The following CLK2 variants were observed in gnomAD, a reference collection of about 807,000 sequenced individuals.
The protein encoded by CLK2 is dual specificity protein kinase CLK2.
A neutral mutation model predicts 73.5 loss-of-function variants in CLK2; 12 were observed. That is an observed-to-expected ratio of 0.16 (90% CI 0.10 to 0.26). The LOEUF (loss-of-function observed/expected upper bound fraction) is 0.26. Ranked by LOEUF, CLK2 falls within the 10% of genes least tolerant of loss-of-function variation. The pLI is 1.00. For synonymous variants in CLK2, 232 were observed against 237.9 expected (o/e 0.98, Z 0.23); for missense variants, 509 against 688.4 (o/e 0.74, Z 2.92).
At chr1:155,271,530 A>G (rs1673506867) in intron 1 of CLK2, among the ~76,000 whole-genome samples, 1 of 152,102 alleles carries the variant, frequency 6.6e-6, no homozygotes, top group Non-Finnish European at 1.5e-5. Context: ...AGCCAGTTCA[A>G]GTGTTCTATC....
intron 6 of CLK2, among the ~76,000 whole-genome samples, chr1:155,267,188 G>A (rs940085581): frequency 5.3e-5 from 8 of 152,136 alleles, no homozygotes; most frequent in Non-Finnish European, 7.4e-5. Context: ...TCTGCCTCCT[G>A]TTCAAGCGAT....
chr1:155,267,901 T>C (rs1673309107), intron 6 of CLK2, 109 bp downstream of exon 6: 1 of 740,288 alleles, frequency 1.4e-6, no homozygotes, highest in Non-Finnish European at 2.4e-6. Flanking sequence ...AAAAGATGAA[T>C]GGATGAGAAG....
chr1:155,263,855 C>T (rs1273824609), intron 12 of CLK2, 95 bp downstream of exon 12: 2 of 1,401,158 alleles, frequency 1.4e-6, no homozygotes, highest in East Asian at 2.3e-5. Context: ...CCTTTCCTAA[C>T]CCTCTGCTTG....
Position 155,264,251 on chromosome 1 carries a change from G to A in CLK2, c.1196C>T (p.Pro399Leu). ...HLAMMERILGPIPSRMIRKTR... is the reference protein window; with the variant it reads ...HLAMMERILGLIPSRMIRKTR... ...CTTTCGGATCATCCGGGAAGGGATAGGACCCAAGATCCTTTCCATCATGGC... is the reference window on the plus strand; with the variant it reads ...CTTTCGGATCATCCGGGAAGGGATAAGACCCAAGATCCTTTCCATCATGGC... The change falls in exon 11 of 13, where the codon CCT becomes CTT. Residue 399 changes from proline (P) to leucine (L), a missense_variant. Transcript: ENST00000368361. 2 of 1,614,192 alleles carry A rather than the reference G, an allele frequency of 1.2e-6. No individual in the cohort carries two copies. Among genetic ancestry groups the A allele is most frequent in the Non-Finnish European group, 1.7e-6 (2 of 1,180,034 alleles).
rs780531186 is a variant in CLK2 at position 155,266,712 on chromosome 1, C to A, written c.838+17G>T. The A allele has an allele frequency of 3.1e-6, 5 of 1,606,446 alleles. No homozygotes were observed. The highest frequency in any genetic ancestry group is 2.5e-6 in the Non-Finnish European group (3 of 1,177,470). On this transcript the variant is annotated intron_variant, in intron 7 of 12. Coordinates refer to ENST00000368361, the MANE Select transcript of CLK2 (RefSeq NM_001294338.2). ...GGAGGGACTGCCCCAGAGTCCACTT[C>A]GGCCCACCCCACTCACACTTGACAG...
rs368560173 is a variant in CLK2 at position 155,270,996 on chromosome 1, C to T, written c.1-19G>A. ...GCGGCATCTGGAAGGCAAGGGAAAG[C>T]GGAAATAGGAAAGTTTCGAGTTTTC... On this transcript the variant is annotated intron_variant, in intron 1 of 12. Coordinates refer to ENST00000368361, the MANE Select transcript of CLK2 (RefSeq NM_001294338.2). 11 of 1,598,856 alleles carry T rather than the reference C, an allele frequency of 6.9e-6. No homozygotes were observed. Among genetic ancestry groups the T allele is most frequent in the African/African-American group, 5.4e-5 (4 of 74,646 alleles).
chr1:155,264,975 T>C (rs1486965620), intron 8 of CLK2, among the ~76,000 whole-genome samples: 1 of 152,138 alleles, frequency 6.6e-6, no homozygotes, highest in Admixed American at 6.5e-5. Context: ...GATTAAGAAA[T>C]GATTATAGAA....
intron 1 of CLK2, among the ~76,000 whole-genome samples, chr1:155,271,257 C>T (rs750717715): frequency 2.0e-5 from 3 of 152,158 alleles, no homozygotes; most frequent in East Asian, 1.9e-4. Flanking sequence ...GACAGAGTCT[C>T]GCTGTGTGGC....
intron 7 of CLK2, 139 bp downstream of exon 7, chr1:155,266,590 G>C: frequency 1.1e-6 from 1 of 889,724 alleles, no homozygotes. Flanking sequence ...GTCAGAAGAC[G>C]TTTCAAGATG....
intron 7 of CLK2, among the ~76,000 whole-genome samples, chr1:155,266,212 CAT>C (rs940417298): frequency 1.3e-5 from 2 of 152,048 alleles, no homozygotes; most frequent in African/African-American, 2.4e-5. Flanking sequence ...CACACTTTGA[CAT>C]GTGTCTAGCT....
At position 155,266,826 on chromosome 1, in the gene CLK2, G is replaced by C; in HGVS notation, c.741C>G (p.Gly247=). 2 of 1,613,226 alleles carry C rather than the reference G, an allele frequency of 1.2e-6. No individual in the cohort carries two copies. The highest frequency in any genetic ancestry group is 1.7e-6 in the Non-Finnish European group (2 of 1,179,662). The change falls in exon 7 of 13, where the codon GGC becomes GGG. Residue 247 remains glycine, a synonymous_variant. Transcript: ENST00000368361. ...GHMCISFELL[G]LSTFDFLKDN... ...CTTTGAGGAAATCGAAGGTGCTAAG[G>C]CCCAGAAGCTCAAAGGAGATACACA...
chr1:155,263,156 C>T lies in CLK2; in HGVS notation c.*62G>A. 6.7e-7 allele frequency: 1 copy of T among 1,494,852 alleles called. No homozygotes were observed. Among genetic ancestry groups the T allele is most frequent in the Non-Finnish European group, 9.0e-7 (1 of 1,113,310 alleles). The allele number at this position is 1,494,852 out of a possible 1,614,324, so 92.6% of individuals were successfully genotyped here. A position where few individuals can be genotyped will look rare whatever the true frequency, so the allele number is the denominator to read the frequency against. Reference sequence around the variant, plus strand: ...GCTCGTTCTCTTGTATAAAAAAGCACCAGTGTCCTGGACTGGACACCCACT... The same window carrying T: ...GCTCGTTCTCTTGTATAAAAAAGCATCAGTGTCCTGGACTGGACACCCACT... On this transcript the variant is annotated 3_prime_UTR_variant, in exon 13 of 13. Coordinates refer to ENST00000368361, the MANE Select transcript of CLK2 (RefSeq NM_001294338.2).
rs766279692 is a variant in CLK2 at position 155,270,965 on chromosome 1, G to C, written c.13C>G (p.Arg5Gly). 4 of 1,609,838 alleles carry C rather than the reference G, an allele frequency of 2.5e-6. No individual in the cohort carries two copies. The highest frequency in any genetic ancestry group is 2.5e-6 in the Non-Finnish European group (3 of 1,176,524). The change falls in exon 2 of 13, where the codon CGA (arginine) becomes GGA (glycine). Residue 5 changes from arginine (R) to glycine (G), a missense_variant. Arg to Gly is a moderately radical substitution (Grantham distance 125, BLOSUM62 -2). Coordinates refer to ENST00000368361, the MANE Select transcript of CLK2 (RefSeq NM_001294338.2). Reference sequence around the variant, plus strand: ...CCTCGCTCTGAGGAGTGGTACCTTCGAGGATGCGGCATCTGGAAGGCAAGG... The same window carrying C: ...CCTCGCTCTGAGGAGTGGTACCTTCCAGGATGCGGCATCTGGAAGGCAAGG... MPHPRRYHSSERGSR... is the reference protein window; with the variant it reads MPHPGRYHSSERGSR...
At chr1:155,264,804 TC>T in intron 8 of CLK2, 30 bp from the exon 9 acceptor site, 1 of 1,610,732 alleles carries the variant, frequency 6.2e-7, no homozygotes, top group East Asian at 2.2e-5. Flanking sequence ...AGGATGAACC[TC>T]TGCACCCAGA....
intron 8 of CLK2, 79 bp downstream of exon 8, chr1:155,265,781 A>C: frequency 1.0e-6 from 1 of 960,124 alleles, no homozygotes; most frequent in South Asian, 1.3e-5. Context: ...TAAAAGGGAG[A>C]AAACAAAGGG....
Position 155,264,452 on chromosome 1 carries a change from A to G in CLK2, c.1146+16T>C, listed in dbSNP as rs545434812. 2.5e-5 allele frequency: 41 copies of G among 1,613,034 alleles called. No homozygotes were observed. The highest frequency in any genetic ancestry group is 3.4e-5 in the Non-Finnish European group (40 of 1,179,122). Reference sequence around the variant, plus strand: ...GAAGAATGCCAGGCAGTCAAGTAAGACATCCCATCACTTACCTGGAAGAGG... The same window carrying G: ...GAAGAATGCCAGGCAGTCAAGTAAGGCATCCCATCACTTACCTGGAAGAGG... On this transcript the variant is annotated intron_variant, in intron 10 of 12. Transcript: ENST00000368361.
rs779399122 is a variant in CLK2, at chr1:155,269,594, G to A, written c.293C>T (p.Ser98Phe). The change falls in exon 3 of 13, where the codon TCC becomes TTC. Residue 98 changes from serine (S) to phenylalanine (F), a missense_variant. By Grantham distance (155) the Ser-to-Phe change is radical. Around this residue, in one of 6 missense-constraint regions of CLK2, gnomAD observed 222 missense variants for 221.7 expected, o/e 1.00. Transcript: ENST00000368361. ...DAYYDTDYRH[S>F]YEYQRENSSY... is the part of the protein sequence containing the mutation. The stretch of plus-strand genomic sequence containing the variant: ...GCTGTTCTCCCGCTGATATTCATAG[G>A]AATGCCGATAGTCTGTGTCATAGTA... The A allele has an allele frequency of 1.4e-5, 23 of 1,614,106 alleles. No individual in the cohort carries two copies. The Admixed American group carries it at 3.2e-4, about 22-fold the overall frequency.
At chr1:155,265,166 A>T (rs1673167102) in intron 8 of CLK2, among the ~76,000 whole-genome samples, 2 of 152,246 alleles carry the variant, frequency 1.3e-5, no homozygotes, top group Non-Finnish European at 2.9e-5. Flanking sequence ...TGTAACATGT[A>T]GCAAAGGGGT....
Position 155,270,888 on chromosome 1 carries a change from T to G in CLK2, c.90A>C (p.Arg30=). ...EHYRSRKHKR[R]RSRSWSSSSD... ...TACTACTTGACCAGGAGCGACTTCT[T>G]CGTCGCTTATGCTTTCGGCTCCGAT... Residue 30 remains arginine, a synonymous_variant, in exon 2 of 13, where the codon CGA becomes CGC. Transcript: ENST00000368361. The G allele has an allele frequency of 6.2e-7, 1 of 1,614,192 alleles. No homozygotes were observed.
Sources: allele counts gnomAD v4.1 joint callset (sites outside exome capture counted in the v4.1 genomes callset), GRCh38; gene constraint gnomAD v4.1.1; regional missense constraint gnomAD v4.1.1; transcripts MANE v1.5; gene names NCBI Gene and HGNC (gene_info 2026-07-23, HGNC 2026-07-21).